The following SVIL variants were observed in gnomAD, a reference collection of about 807,000 sequenced individuals.
SVIL encodes the protein supervillin, also known as archvillin.
Under a neutral mutation model 240.4 loss-of-function variants are expected in SVIL, and 101 were observed. The observed-to-expected ratio is 0.42, with a 90% confidence interval of 0.36 to 0.50. The LOEUF (loss-of-function observed/expected upper bound fraction) is 0.50. Ranked by LOEUF, SVIL falls within the 20% of genes least tolerant of loss-of-function variation. SVIL has a pLI of 0.01. For synonymous variants in SVIL, 999 were observed against 1,100.0 expected (o/e 0.91, Z 1.82); for missense variants, 2,512 against 2,818.7 (o/e 0.89, Z 2.46).
Position 29,533,468 on chromosome 10 carries a change from A to G in SVIL, c.909-10T>C, listed in dbSNP as rs764197656. The G allele has an allele frequency of 1.2e-6, 2 of 1,607,504 alleles. No individual in the cohort carries two copies. The highest frequency in any genetic ancestry group is 1.7e-6 in the Non-Finnish European group (2 of 1,175,738). On this transcript the variant is annotated splice_polypyrimidine_tract_variant and intron_variant, in intron 7 of 37. Transcript: ENST00000355867. Reference sequence around the variant, plus strand: ...TTCTCTAACTTTAACTCTTTAAGAAAGAAAAAGGATTTAAGTTGCAAAGTG... The same window carrying G: ...TTCTCTAACTTTAACTCTTTAAGAAGGAAAAAGGATTTAAGTTGCAAAGTG...
At chr10:29,681,952 G>A (rs146299175) in intron 2 of SVIL, among the ~76,000 whole-genome samples, 3 of 152,202 alleles carry the variant, frequency 2.0e-5, no homozygotes, top group Non-Finnish European at 1.5e-5. Flanking sequence ...ACACACTTCC[G>A]CTCAGACCTG....
chr10:29,469,052 T>C (rs1945261090), intron 32 of SVIL: 1 of 152,204 alleles, frequency 6.6e-6, no homozygotes, highest in Non-Finnish European at 1.5e-5. Context: ...TTCCGAGATT[T>C]ATAGGATAAG....
chr10:29,484,585 G>A lies in SVIL; in HGVS notation c.4955+71C>T. On this transcript the variant is annotated intron_variant, in intron 27 of 37. Coordinates refer to ENST00000355867, the MANE Select transcript of SVIL (RefSeq NM_021738.3). The surrounding 1 kb of genome is among the most constrained non-coding windows in gnomAD (Gnocchi z 4.7). ...CTATAAAGAGCGAGAGTAGAGGACT[G>A]TGGTGAGAACAGAGGGATCGAAGGG... 2 of 1,413,108 alleles carry A rather than the reference G, an allele frequency of 1.4e-6. No homozygotes were observed. Among genetic ancestry groups the A allele is most frequent in the South Asian group, 1.4e-5 (1 of 71,002 alleles). The allele number at this position is 1,413,108 out of a possible 1,614,324, so 87.5% of individuals were successfully genotyped here. A position where few individuals can be genotyped will look rare whatever the true frequency, so the allele number is the denominator to read the frequency against.
intron 5 of SVIL, among the ~76,000 whole-genome samples, chr10:29,554,384 G>A (rs563367990): frequency 7.2e-5 from 11 of 152,166 alleles, no homozygotes; most frequent in South Asian, 6.2e-4. Flanking sequence ...ACTGGCTCAC[G>A]CTTGTATTTT....
At position 29,566,151 on chromosome 10, in the gene SVIL, C is replaced by T. The variant is rs570429916; in HGVS notation, c.-142-2859G>A. 5.3e-5 allele frequency among the ~76,000 whole-genome samples: 8 copies of T among 152,204 alleles called. No individual in the cohort carries two copies. In the South Asian group the frequency reaches 1.7e-3, roughly 32 times the overall value. On this transcript the variant is annotated intron_variant, in intron 2 of 37. Coordinates refer to ENST00000355867, the MANE Select transcript of SVIL (RefSeq NM_021738.3). ...CCTTCCTTATCACCCTCCCTCCTTT[C>T]CTTTCTTCCTTTCTTTCCTTCTTTC...
At chr10:29,641,524 C>T (rs533302443) in intron 3 of SVIL, among the ~76,000 whole-genome samples, 4 of 152,042 alleles carry the variant, frequency 2.6e-5, no homozygotes, top group East Asian at 1.9e-4. Flanking sequence ...GCCGAGATCG[C>T]GCCACTGCAC....
intron 1 of SVIL, among the ~76,000 whole-genome samples, chr10:29,601,852 G>A (rs1030812063): frequency 5.9e-5 from 9 of 152,068 alleles, no homozygotes; most frequent in African/African-American, 9.7e-5. Context: ...GCTCAGCACC[G>A]GTTACCTCTT....
At chr10:29,648,746 T>C (rs1472033886) in intron 3 of SVIL, among the ~76,000 whole-genome samples, 3 of 151,870 alleles carry the variant, frequency 2.0e-5, no homozygotes, top group African/African-American at 7.3e-5. Context: ...ATAACCACTC[T>C]AATTCTCCCA....
In SVIL at chr10:29,551,428, T is replaced by C. The variant is rs11007646; in HGVS notation, c.161-165A>G. Among the ~76,000 whole-genome samples, 45,307 of 152,110 alleles carry C rather than the reference T, an allele frequency of 0.3. 7,044 individuals are homozygous for C. Among genetic ancestry groups the C allele is most frequent in the African/African-American group, 0.39 (15,968 of 41,474 alleles). On this transcript the variant is annotated intron_variant, in intron 5 of 37. Coordinates refer to ENST00000355867, the MANE Select transcript of SVIL (RefSeq NM_021738.3). ...GCCTAAACTGATTATTTACCTGGGC[T>C]GTTGAAGAAGTCTGAGATCGGCAGT...
chr10:29,733,032 TC>T (rs1391083037), intron 1 of SVIL, among the ~76,000 whole-genome samples: 5 of 152,152 alleles, frequency 3.3e-5, no homozygotes, highest in East Asian at 1.9e-4. Context: ...GACCAAGTTT[TC>T]CATCACTACC....
intron 2 of SVIL, among the ~76,000 whole-genome samples, chr10:29,668,683 A>C (rs1274291156): frequency 6.6e-6 from 1 of 152,208 alleles, no homozygotes; most frequent in Non-Finnish European, 1.5e-5. Context: ...CATGTTGGCC[A>C]GGCTGGTCTT....
intron 3 of SVIL, chr10:29,643,983 C>T (rs755983414): frequency 7.7e-6 from 4 of 518,566 alleles, no homozygotes; most frequent in South Asian, 5.6e-5. Flanking sequence ...GCTGGAGCAA[C>T]ATCGCGTTCC....
At chr10:29,623,528 C>T (rs1243989435) in intron 1 of SVIL, among the ~76,000 whole-genome samples, 2 of 152,204 alleles carry the variant, frequency 1.3e-5, no homozygotes, top group South Asian at 2.1e-4. Context: ...CATCCAGGCA[C>T]GTCTAAGCTC....
At chr10:29,689,595 T>A (rs1192228718) in intron 1 of SVIL, among the ~76,000 whole-genome samples, 1 of 152,246 alleles carries the variant, frequency 6.6e-6, no homozygotes, top group African/African-American at 2.4e-5. Context: ...AGTCTCTTTT[T>A]CATACTGCAT....
chr10:29,651,243 C>T (rs1958824969), intron 3 of SVIL, among the ~76,000 whole-genome samples: 1 of 152,138 alleles, frequency 6.6e-6, no homozygotes. Context: ...CAACCAGCAC[C>T]TTTTTGGGCA....
intron 16 of SVIL, among the ~76,000 whole-genome samples, chr10:29,521,864 GACAT>G (rs928736128): frequency 2.6e-5 from 4 of 152,170 alleles, no homozygotes; most frequent in African/African-American, 9.7e-5. Flanking sequence ...GCTATTACCT[GACAT>G]ACAATTTCTA....
rs193282931 is a variant in SVIL, at chr10:29,503,394, A to C, written c.3517-4131T>G. On this transcript the variant is annotated intron_variant, in intron 17 of 37. Coordinates refer to ENST00000355867, the MANE Select transcript of SVIL (RefSeq NM_021738.3). The stretch of plus-strand genomic sequence containing the variant: ...TCTTTTTCTGGTACAGCCCTGAGGC[A>C]TGTGAGAAAGAATTCAGGTTGAAGC... 2.2e-4 allele frequency among the ~76,000 whole-genome samples: 34 copies of C among 152,366 alleles called. 1 individual carries two copies. In the South Asian group the frequency reaches 6.6e-3, roughly 30 times the overall value.
intron 3 of SVIL, among the ~76,000 whole-genome samples, chr10:29,641,042 T>C (rs1245758090): frequency 6.6e-6 from 1 of 152,218 alleles, no homozygotes; most frequent in East Asian, 1.9e-4. Context: ...TTTTTTATAT[T>C]TTATGTTTTT....
At chr10:29,564,136 G>A (rs1169815493) in intron 2 of SVIL, among the ~76,000 whole-genome samples, 1 of 152,036 alleles carries the variant, frequency 6.6e-6, no homozygotes, top group Admixed American at 6.6e-5. Context: ...CTCCCACCAT[G>A]GCGGATCTCA....
Sources: gnomAD v4.1 joint callset for allele counts (sites outside exome capture counted in the v4.1 genomes callset) on GRCh38, gnomAD v4.1.1 for gene constraint, Gnocchi (gnomAD v3.1) non-coding constraint, MANE v1.5 for transcripts, NCBI Gene and HGNC (gene_info 2026-07-23, HGNC 2026-07-21) for gene names.